The following CCDC25 variants were observed in gnomAD, a reference collection of about 807,000 sequenced individuals.
CCDC25 encodes coiled-coil domain-containing protein 25.
A neutral mutation model predicts 35.3 loss-of-function variants in CCDC25; 16 were observed. The ratio of observed to expected loss-of-function variants is 0.45; its 90% confidence interval spans 0.31 to 0.69. The LOEUF (loss-of-function observed/expected upper bound fraction) is 0.69, where lower values mean the gene tolerates loss of function less well. Among genes scored for constraint, CCDC25 ranks in the 30% least tolerant of loss-of-function variants. The pLI is 0.06. For missense variants in CCDC25, 179 were observed against 250.7 expected (o/e 0.71, Z 1.93); for synonymous variants, 79 against 80.3 (o/e 0.98, Z 0.09).
In CCDC25 at chr8:27,765,174, T is replaced by C. The variant is rs1804359248; in HGVS notation, c.76+30A>G. On this transcript the variant is annotated intron_variant, in intron 2 of 8. Coordinates refer to ENST00000356537, the MANE Select transcript of CCDC25 (RefSeq NM_018246.3). ...AGAGATAACACTTACCTGCTGAAAA[T>C]TTCAAAATCAAATGCTTTTGAAAAC... 3 of 1,492,916 alleles carry C rather than the reference T, an allele frequency of 2.0e-6. No homozygotes were observed. In the East Asian group the frequency reaches 7.6e-5, roughly 38 times the overall value. The allele number at this position is 1,492,916 out of a possible 1,614,324, so 92.5% of individuals were successfully genotyped here. A position where few individuals can be genotyped will look rare whatever the true frequency, so the allele number is the denominator to read the frequency against.
chr8:27,756,462 A>G (rs1047984503), intron 4 of CCDC25: 6 of 396,816 alleles, frequency 1.5e-5, no homozygotes, highest in Non-Finnish European at 2.7e-5. Context: ...CAGAGATGAC[A>G]GACAGCACAC....
At chr8:27,771,062 T>C (rs930903246) in intron 1 of CCDC25, among the ~76,000 whole-genome samples, 22 of 152,296 alleles carry the variant, frequency 1.4e-4, no homozygotes, top group Admixed American at 3.3e-4. Context: ...CCCATAACAT[T>C]ATAACGAAGC....
rs11136005 is a variant in CCDC25 at position 27,737,884 on chromosome 8, T to A, written c.598-1639A>T. ...AACTGTGGTGTGTGTATACACACAC[T>A]CACACACACACACACACACACACAC... On this transcript the variant is annotated intron_variant, in intron 8 of 8. Transcript: ENST00000356537. This position sits in a 1 kb window ranked among gnomAD's most constrained non-coding sequence, Gnocchi z 4.6. Among the ~76,000 whole-genome samples, 61,687 of 148,484 alleles carry A rather than the reference T, an allele frequency of 0.42. 12,909 individuals carry two copies. Among genetic ancestry groups the A allele is most frequent in the East Asian group, 0.63 (3,192 of 5,090 alleles).
chr8:27,766,752 C>T (rs568704656), intron 1 of CCDC25, among the ~76,000 whole-genome samples: 1 of 152,242 alleles, frequency 6.6e-6, no homozygotes, highest in East Asian at 1.9e-4. Context: ...ACAACCTAAA[C>T]ATCCCTTAAT....
At chr8:27,764,337 C>T (rs1267819128) in intron 2 of CCDC25, 1 of 234,240 alleles carries the variant, frequency 4.3e-6, no homozygotes, top group African/African-American at 2.4e-5. Flanking sequence ...GTGGCATGAT[C>T]ACAGCTCACT....
intron 4 of CCDC25, among the ~76,000 whole-genome samples, chr8:27,755,817 C>T (rs1329511434): frequency 6.6e-6 from 1 of 152,164 alleles, no homozygotes; most frequent in East Asian, 1.9e-4. Context: ...GTCTACAAAA[C>T]ACCTGATCAG....
At chr8:27,772,404 G>T in intron 1 of CCDC25, 109 bp downstream of exon 1, 1 of 1,085,732 alleles carries the variant, frequency 9.2e-7, no homozygotes, top group Non-Finnish European at 1.4e-6. Flanking sequence ...AGAGGCACTC[G>T]CATCCAGAAG....
At chr8:27,748,834 C>G (rs1271523754) in intron 5 of CCDC25, among the ~76,000 whole-genome samples, 1 of 152,138 alleles carries the variant, frequency 6.6e-6, no homozygotes, top group Non-Finnish European at 1.5e-5. Flanking sequence ...GGATTAGCTT[C>G]AGGGACTTCT....
chr8:27,772,329 A>G (rs1011111005), intron 1 of CCDC25, among the ~76,000 whole-genome samples, 184 bp downstream of exon 1: 2 of 152,138 alleles, frequency 1.3e-5, no homozygotes, highest in African/African-American at 4.8e-5. Flanking sequence ...TGACGAGGGG[A>G]CGCCGGGGGA....
At chr8:27,752,490 A>G (rs761353646) in intron 5 of CCDC25, 22 bp downstream of exon 5, 4 of 1,597,594 alleles carry the variant, frequency 2.5e-6, no homozygotes, top group Non-Finnish European at 2.6e-6. Flanking sequence ...CTAATTCTAA[A>G]AACACCTCTA....
At chr8:27,747,778 C>T (rs1217667327) in intron 7 of CCDC25, 1 of 337,060 alleles carries the variant, frequency 3.0e-6, no homozygotes, top group African/African-American at 2.2e-5. Context: ...TTTTCCTTTC[C>T]AGAAGAACTT....
Position 27,752,625 on chromosome 8 carries a change from ATT to A in CCDC25, c.169-40_169-39del, listed in dbSNP as rs756353572. The stretch of plus-strand genomic sequence containing the variant: ...AATAAACCAATTGGTCCACTACCTC[ATT>A]ATCCATTGACACTGGAGCACTCAAA... On this transcript the variant is annotated intron_variant, in intron 4 of 8. Coordinates refer to ENST00000356537, the MANE Select transcript of CCDC25 (RefSeq NM_018246.3). The A allele has an allele frequency of 1.2e-5, 18 of 1,500,346 alleles. 1 individual carries two copies. In the South Asian group the frequency reaches 2.0e-4, roughly 17 times the overall value. 92.9% of individuals were successfully genotyped at this position (1,500,346 alleles called of 1,614,324 possible). A position where few individuals can be genotyped will look rare whatever the true frequency, so the allele number is the denominator to read the frequency against.
At chr8:27,755,687 A>G (rs933800040) in intron 4 of CCDC25, among the ~76,000 whole-genome samples, 1 of 152,208 alleles carries the variant, frequency 6.6e-6, no homozygotes, top group Non-Finnish European at 1.5e-5. Flanking sequence ...AGTCACGGTA[A>G]TACACGCACC....
intron 1 of CCDC25, among the ~76,000 whole-genome samples, chr8:27,769,041 T>A (rs1209030203): frequency 2.0e-5 from 3 of 152,214 alleles, no homozygotes; most frequent in African/African-American, 7.2e-5. Flanking sequence ...CTTCCCATTT[T>A]AAAAAAGTTT....
At chr8:27,755,799 G>A (rs13267051) in intron 4 of CCDC25, among the ~76,000 whole-genome samples, 55,638 of 152,074 alleles carry the variant, frequency 0.37, 11,046 homozygotes, top group Non-Finnish European at 0.43. Context: ...AATGCAAACT[G>A]AGCAATAGTC....
At chr8:27,762,254 T>C (rs1306783080) in intron 3 of CCDC25, among the ~76,000 whole-genome samples, 165 bp downstream of exon 3, 1 of 152,170 alleles carries the variant, frequency 6.6e-6, no homozygotes, top group Non-Finnish European at 1.5e-5. Flanking sequence ...AAAAACATCA[T>C]TTCCAACTTG....
chr8:27,770,552 AC>A (rs1314178062), intron 1 of CCDC25, among the ~76,000 whole-genome samples: 1 of 152,182 alleles, frequency 6.6e-6, no homozygotes, highest in Non-Finnish European at 1.5e-5. Context: ...AGCCTGACCA[AC>A]ATGGAGAAAC....
At chr8:27,757,777 A>G (rs1804065569) in intron 3 of CCDC25, among the ~76,000 whole-genome samples, 1 of 152,140 alleles carries the variant, frequency 6.6e-6, no homozygotes, top group African/African-American at 2.4e-5. Context: ...ACCAAGTCTC[A>G]TGTCGAATTG....
intron 1 of CCDC25, among the ~76,000 whole-genome samples, chr8:27,771,248 T>G (rs112030221): frequency 0.019 from 2,896 of 152,238 alleles, 102 homozygotes; most frequent in African/African-American, 0.066. Context: ...GGAGCAACGG[T>G]ATACTGTACA....
Sources: allele counts gnomAD v4.1 joint callset (sites outside exome capture counted in the v4.1 genomes callset), GRCh38; gene constraint gnomAD v4.1.1; non-coding constraint Gnocchi (gnomAD v3.1); transcripts MANE v1.5; gene names NCBI Gene and HGNC (gene_info 2026-07-23, HGNC 2026-07-21).